GRIK2: variants seen among roughly 807,000 people sequenced by gnomAD.
The protein encoded by GRIK2 is glutamate ionotropic receptor kainate type subunit 2.
A neutral mutation model predicts 100.3 loss-of-function variants in GRIK2; 32 were observed. The observed-to-expected ratio is 0.32, with a 90% CI of 0.24 to 0.43. The LOEUF (loss-of-function observed/expected upper bound fraction) is 0.43, where lower values mean the gene tolerates loss of function less well. Ranked by LOEUF, GRIK2 falls within the 20% of genes least tolerant of loss-of-function variation. The probability of loss-of-function intolerance (pLI) is 1.00; values close to 1 mark genes in which losing one functional copy is unlikely to be tolerated. For missense variants in GRIK2, 843 were observed against 1,114.9 expected, an observed-to-expected ratio of 0.76 and a Z score of 3.47; for synonymous variants, 417 against 389.4, an observed-to-expected ratio of 1.07 and a Z score of -0.83.
chr6:101,588,911 G>A (rs927138807), intron 2 of GRIK2, among the ~76,000 whole-genome samples: 5 of 152,020 alleles, frequency 3.3e-5, no homozygotes, highest in African/African-American at 1.2e-4. Flanking sequence ...AAGAATACCA[G>A]TGAGCCCAGG....
chr6:101,526,740 TG>T (rs1775176232), intron 2 of GRIK2, among the ~76,000 whole-genome samples: 1 of 152,192 alleles, frequency 6.6e-6, no homozygotes, highest in Non-Finnish European at 1.5e-5. Flanking sequence ...TTCTCATCTC[TG>T]TACACAGGTT....
intron 4 of GRIK2, among the ~76,000 whole-genome samples, chr6:101,638,242 A>G (rs1300280887): frequency 1.3e-5 from 2 of 149,818 alleles, no homozygotes; most frequent in African/African-American, 4.9e-5. Flanking sequence ...ATGTGTCAGC[A>G]CTGTTCTAGG....
At chr6:101,645,130 T>C (rs943339433) in intron 4 of GRIK2, among the ~76,000 whole-genome samples, 1 of 150,080 alleles carries the variant, frequency 6.7e-6, no homozygotes, top group Non-Finnish European at 1.5e-5. Flanking sequence ...GACATAATAA[T>C]GGCTGTAGAA....
At chr6:101,518,473 A>C (rs1774702273) in intron 2 of GRIK2, among the ~76,000 whole-genome samples, 1 of 152,204 alleles carries the variant, frequency 6.6e-6, no homozygotes, top group African/African-American at 2.4e-5. Context: ...TAAGTAAGAC[A>C]AGGTAAGTGG....
intron 2 of GRIK2, among the ~76,000 whole-genome samples, chr6:101,424,801 G>T (rs1776617930): frequency 6.6e-6 from 1 of 150,558 alleles, no homozygotes; most frequent in Non-Finnish European, 1.5e-5. Context: ...CCACCTATGA[G>T]TGAGAACATG....
rs769346879 is a variant in GRIK2, at chr6:102,035,424, A to G, written c.2169A>G (p.Glu723=). 4 of 1,609,078 alleles carry G rather than the reference A, an allele frequency of 2.5e-6. No homozygotes were observed. The Admixed American group carries it at 5.0e-5, about 20-fold the overall frequency. Residue 723 remains glutamate (E), a synonymous_variant, in exon 15 of 17, where the codon GAA becomes GAG. Coordinates refer to ENST00000369134, the MANE Select transcript of GRIK2 (RefSeq NM_021956.5). The part of the protein sequence containing the change: ...RQSVLVKSNE[E]GIQRVLTSDY... ...CAGTGCTGGTCAAAAGTAATGAAGA[A>G]GGAATCCAGCGAGTCCTCACCTCTG...
intron 2 of GRIK2, among the ~76,000 whole-genome samples, chr6:101,488,746 T>A (rs1041884927): frequency 1.4e-5 from 2 of 146,790 alleles, no homozygotes; most frequent in Admixed American, 6.8e-5. Flanking sequence ...ACACTTTTTT[T>A]AATGCTTCTA....
intron 14 of GRIK2, among the ~76,000 whole-genome samples, chr6:101,953,264 T>G (rs1442449316): frequency 6.6e-6 from 1 of 151,090 alleles, no homozygotes; most frequent in Non-Finnish European, 1.5e-5. Context: ...ATGTATATTT[T>G]AATTTTTCTT....
intron 7 of GRIK2, among the ~76,000 whole-genome samples, chr6:101,702,380 G>A (rs938262943): frequency 1.3e-4 from 20 of 151,910 alleles, no homozygotes; most frequent in Non-Finnish European, 2.9e-4. Flanking sequence ...ACAGTTAGAT[G>A]TTGTACATTA....
chr6:101,962,408 T>C (rs1792363699), intron 14 of GRIK2, among the ~76,000 whole-genome samples: 1 of 152,222 alleles, frequency 6.6e-6, no homozygotes, highest in Non-Finnish European at 1.5e-5. Flanking sequence ...CTCTGTGTGC[T>C]TTGAATTATT....
At chr6:101,775,721 A>G (rs1454202885) in intron 7 of GRIK2, among the ~76,000 whole-genome samples, 1 of 151,640 alleles carries the variant, frequency 6.6e-6, no homozygotes, top group Non-Finnish European at 1.5e-5. Flanking sequence ...TGTATGGCAA[A>G]GTGTGAAGAT....
chr6:101,880,619 G>T (rs1344865565), intron 11 of GRIK2, among the ~76,000 whole-genome samples: 1 of 151,944 alleles, frequency 6.6e-6, no homozygotes, highest in Non-Finnish European at 1.5e-5. Flanking sequence ...CTTTTAACTA[G>T]TGAAGGGATG....
chr6:101,483,210 G>A (rs1045087810), intron 2 of GRIK2, among the ~76,000 whole-genome samples: 5 of 151,824 alleles, frequency 3.3e-5, no homozygotes, highest in African/African-American at 9.7e-5. Context: ...CTTATAGTGG[G>A]GTATTCAATA....
intron 14 of GRIK2, among the ~76,000 whole-genome samples, chr6:101,968,589 A>G (rs989194890): frequency 1.3e-5 from 2 of 152,018 alleles, no homozygotes; most frequent in Non-Finnish European, 2.9e-5. Context: ...TAATATTTCT[A>G]GATCCTCAGT....
intron 7 of GRIK2, among the ~76,000 whole-genome samples, chr6:101,718,769 C>T (rs1031879583): frequency 6.6e-6 from 1 of 151,876 alleles, no homozygotes; most frequent in African/African-American, 2.4e-5. Flanking sequence ...TTGGGTTTGT[C>T]CTGTTGTGTT....
intron 7 of GRIK2, among the ~76,000 whole-genome samples, chr6:101,726,311 A>G (rs1200987760): frequency 6.6e-6 from 1 of 152,074 alleles, no homozygotes. Flanking sequence ...TTGATTCAGA[A>G]GATTATAGCA....
intron 12 of GRIK2, among the ~76,000 whole-genome samples, chr6:101,909,481 C>G (rs1290773407): frequency 6.9e-6 from 1 of 144,856 alleles, no homozygotes; most frequent in Non-Finnish European, 1.5e-5. Context: ...AGTAGATAGT[C>G]AAGCTTGAGA....
At chr6:101,686,075 G>C in intron 6 of GRIK2, 105 bp from the exon 7 acceptor site, 1 of 688,132 alleles carries the variant, frequency 1.5e-6, no homozygotes, top group Non-Finnish European at 2.5e-6. Flanking sequence ...TTGACACAAA[G>C]GTGTTAAGTG....
At chr6:101,673,626 T>G (rs1582935695) in intron 4 of GRIK2, among the ~76,000 whole-genome samples, 1 of 152,226 alleles carries the variant, frequency 6.6e-6, no homozygotes, top group Non-Finnish European at 1.5e-5. Flanking sequence ...CCTTTGACTC[T>G]TTCTCTTTTT....
Sources: allele counts gnomAD v4.1 joint callset (sites outside exome capture counted in the v4.1 genomes callset), GRCh38; gene constraint gnomAD v4.1.1; transcripts MANE v1.5; gene names NCBI Gene and HGNC (gene_info 2026-07-23, HGNC 2026-07-21).